PKHD1L1: variants seen among roughly 807,000 people sequenced by gnomAD.
The protein encoded by PKHD1L1 is fibrocystin-L.
A neutral mutation model predicts 462.9 loss-of-function variants in PKHD1L1; 434 were observed. That is an observed-to-expected ratio of 0.94 (90% CI 0.87 to 1.02). The LOEUF (loss-of-function observed/expected upper bound fraction) is 1.02, where lower values mean the gene tolerates loss of function less well. Ranked by LOEUF, PKHD1L1 falls within the 50% of genes least tolerant of loss-of-function variation. The probability of loss-of-function intolerance (pLI) is 0.00; values close to 1 mark genes in which losing one functional copy is unlikely to be tolerated. For synonymous variants in PKHD1L1, 1,781 were observed against 1,750.0 expected, an observed-to-expected ratio of 1.02 and a Z score of -0.44; for missense variants, 5,202 against 5,096.1, an observed-to-expected ratio of 1.02 and a Z score of -0.63.
rs200573335 is a variant in PKHD1L1 at position 109,454,841 on chromosome 8, T to C, written c.6863T>C (p.Leu2288Pro). The stretch of plus-strand genomic sequence containing the variant: ...ACACTGGCTGTGCGGGAGGGAATCC[T>C]GGATCTGCACGGTACTGTGGCCAAG... Reference protein sequence around the residue: ...AKTLAVREGILDLHGVPVPVT... With the variant: ...AKTLAVREGIPDLHGVPVPVT... Residue 2288 changes from leucine (L) to proline (P), a missense_variant, in exon 45 of 78, where the codon CTG becomes CCG. Physicochemically the swap from Leu to Pro is moderately conservative, Grantham distance 98. Coordinates refer to ENST00000378402, the MANE Select transcript of PKHD1L1 (RefSeq NM_177531.6). 4.0e-5 allele frequency: 64 copies of C among 1,613,684 alleles called. No individual in the cohort carries two copies. In the African/African-American group the frequency reaches 8.3e-4, roughly 21 times the overall value.
intron 3 of PKHD1L1, among the ~76,000 whole-genome samples, 185 bp from the exon 4 acceptor site, chr8:109,382,278 A>G (rs1812163232): frequency 6.6e-6 from 1 of 152,184 alleles, no homozygotes; most frequent in Non-Finnish European, 1.5e-5. Context: ...AGAGTTTGCA[A>G]TAAAGAGTTC....
In PKHD1L1 at chr8:109,498,791, C is replaced by T; in HGVS notation, c.10828+20C>T. 6.6e-7 allele frequency: 1 copy of T among 1,524,742 alleles called. No homozygotes were observed. Among genetic ancestry groups the T allele is most frequent in the Non-Finnish European group, 9.0e-7 (1 of 1,108,930 alleles). The allele number at this position is 1,524,742 out of a possible 1,614,324, so 94.5% of individuals were successfully genotyped here. A position where few individuals can be genotyped will look rare whatever the true frequency, so the allele number is the denominator to read the frequency against. On this transcript the variant is annotated intron_variant, in intron 67 of 77. Transcript: ENST00000378402. ...TCTCAGGCAAGTACACAGTCTTTTA[C>T]AAATCTTCTCAATTAATTTCTGTAA...
intron 32 of PKHD1L1, 97 bp downstream of exon 32, chr8:109,439,189 A>G (rs546045528): frequency 5.3e-6 from 6 of 1,135,250 alleles, no homozygotes; most frequent in East Asian, 2.4e-5. Flanking sequence ...TTAGGTGTTA[A>G]TTGTTCTCTT....
rs1821131654 is a variant in PKHD1L1, at chr8:109,535,779, TAGC to T, written c.*5692_*5694del. 6.6e-6 allele frequency among the ~76,000 whole-genome samples: 1 copy of T among 152,210 alleles called. No homozygotes were observed. On this transcript the variant is annotated 3_prime_UTR_variant, in exon 78 of 78. Transcript: ENST00000378402. ...AATAGTAAAATACAAAAGACTAAGTTAGCAGATCATTTTGATATCCAGATGTGC... is the reference window on the plus strand; with the variant it reads ...AATAGTAAAATACAAAAGACTAAGTTAGATCATTTTGATATCCAGATGTGC...
At chr8:109,527,692 T>C (rs1586672919) in intron 77 of PKHD1L1, among the ~76,000 whole-genome samples, 1 of 152,184 alleles carries the variant, frequency 6.6e-6, no homozygotes, top group African/African-American at 2.4e-5. Flanking sequence ...AGGACTCAGA[T>C]GATATCTTCT....
chr8:109,476,803 C>A, intron 52 of PKHD1L1, 136 bp downstream of exon 52: 1 of 760,090 alleles, frequency 1.3e-6, no homozygotes, highest in Admixed American at 3.9e-5. Flanking sequence ...AATGGAAAAA[C>A]TGGAGACAAA....
At chr8:109,406,538 T>TA in intron 17 of PKHD1L1, 60 bp downstream of exon 17, 1 of 1,451,784 alleles carries the variant, frequency 6.9e-7, no homozygotes, top group Non-Finnish European at 9.1e-7. Flanking sequence ...TGTGCCACTC[T>TA]AAAAGTTCCA....
At chr8:109,376,860 G>T (rs1428798689) in intron 2 of PKHD1L1, among the ~76,000 whole-genome samples, 1 of 152,190 alleles carries the variant, frequency 6.6e-6, no homozygotes, top group Admixed American at 6.6e-5. Flanking sequence ...AATGGCAAGG[G>T]AGTGTTAGAG....
rs368031070 is a variant in PKHD1L1 at position 109,485,146 on chromosome 8, A to G, written c.9679A>G (p.Asn3227Asp). The G allele has an allele frequency of 6.3e-7, 1 of 1,593,842 alleles. No individual in the cohort carries two copies. Among genetic ancestry groups the G allele is most frequent in the African/African-American group, 1.3e-5 (1 of 74,284 alleles). ...GCATGATCATAAAATTCTCATTCTTAATGATAGCCTTTCCTATACTCACTT... is the reference window on the plus strand; with the variant it reads ...GCATGATCATAAAATTCTCATTCTTGATGATAGCCTTTCCTATACTCACTT... The part of the protein sequence containing the change: ...ILHDHKILIL[N>D]DSLSYTHFAE... The change falls in exon 58 of 78, where the codon AAT becomes GAT. Residue 3227 changes from asparagine to aspartate, a missense_variant. This residue lies in a region of PKHD1L1 where 4,497 missense variants were observed against 4,336.8 expected (regional missense o/e 1.04). Coordinates refer to ENST00000378402, the MANE Select transcript of PKHD1L1 (RefSeq NM_177531.6).
chr8:109,470,212 T>C, intron 50 of PKHD1L1: 1 of 1,023,784 alleles, frequency 9.8e-7, no homozygotes, highest in Non-Finnish European at 1.5e-6. Context: ...TGATACCAGT[T>C]ACTCTACTGA....
In PKHD1L1 at chr8:109,389,061, T is replaced by A; in HGVS notation, c.624-18T>A. 1 of 1,541,352 alleles carries A rather than the reference T, an allele frequency of 6.5e-7. No homozygotes were observed. The highest frequency in any genetic ancestry group is 8.9e-7 in the Non-Finnish European group (1 of 1,123,602). On this transcript the variant is annotated intron_variant, in intron 7 of 77. Coordinates refer to ENST00000378402, the MANE Select transcript of PKHD1L1 (RefSeq NM_177531.6). ...TTAGTGTCTATATAAGCTTTGACAT[T>A]AACTTTTTTTTAATTAGATATGGTC...
At chr8:109,503,971 G>C (rs949872981) in intron 67 of PKHD1L1, among the ~76,000 whole-genome samples, 2 of 152,148 alleles carry the variant, frequency 1.3e-5, no homozygotes, top group Non-Finnish European at 2.9e-5. Flanking sequence ...TGTATCCCAG[G>C]CTTACTCATA....
At chr8:109,441,453 A>C (rs1372784770) in intron 34 of PKHD1L1, 74 bp downstream of exon 34, 1 of 908,024 alleles carries the variant, frequency 1.1e-6, no homozygotes. Context: ...TATTTATTTT[A>C]TATTTCAAAT....
intron 50 of PKHD1L1, 109 bp from the exon 51 acceptor site, chr8:109,475,009 C>T (rs1817902965): frequency 1.0e-6 from 1 of 966,388 alleles, no homozygotes; most frequent in Non-Finnish European, 1.5e-6. Flanking sequence ...GCTAAACCAA[C>T]ATTTGCTAAA....
At chr8:109,450,408 A>G (rs964396724) in intron 40 of PKHD1L1, among the ~76,000 whole-genome samples, 1 of 152,202 alleles carries the variant, frequency 6.6e-6, no homozygotes, top group Non-Finnish European at 1.5e-5. Flanking sequence ...AAGAATATTG[A>G]AAAATGCAAT....
chr8:109,383,182 A>C (rs1246073571), intron 4 of PKHD1L1, among the ~76,000 whole-genome samples: 3 of 106,714 alleles, frequency 2.8e-5, no homozygotes, highest in African/African-American at 1.1e-4. Context: ...ACAATAATAT[A>C]TATAATTATA....
intron 17 of PKHD1L1, among the ~76,000 whole-genome samples, chr8:109,406,679 C>T (rs900535520): frequency 6.6e-6 from 1 of 152,136 alleles, no homozygotes; most frequent in African/African-American, 2.4e-5. Flanking sequence ...ATGCACTATA[C>T]ATACTACAAA....
chr8:109,425,300 A>T, intron 24 of PKHD1L1, 68 bp downstream of exon 24: 1 of 1,259,284 alleles, frequency 7.9e-7, no homozygotes, highest in Non-Finnish European at 1.0e-6. Flanking sequence ...TAAAGTGTTA[A>T]ATTTTGTTTA....
chr8:109,529,976 T>C (rs1049734327), intron 77 of PKHD1L1, 104 bp from the exon 78 acceptor site: 15 of 684,716 alleles, frequency 2.2e-5, no homozygotes, highest in Non-Finnish European at 3.2e-5. Context: ...TACTGCTAAC[T>C]GTACCATAAA....
Sources: allele counts gnomAD v4.1 joint callset (sites outside exome capture counted in the v4.1 genomes callset), GRCh38; gene constraint gnomAD v4.1.1; regional missense constraint gnomAD v4.1.1; transcripts MANE v1.5; gene names NCBI Gene and HGNC (gene_info 2026-07-23, HGNC 2026-07-21).